Variants in ABCA2 observed in about 807,000 individuals in gnomAD.
ABCA2 encodes ATP binding cassette subfamily A member 2.
In ABCA2, 84 loss-of-function variants were observed where a neutral mutation model predicts 262.8. The ratio of observed to expected loss-of-function variants is 0.32; its 90% CI spans 0.27 to 0.38. The LOEUF is 0.38. Among genes scored for constraint, ABCA2 ranks in the 10% least tolerant of loss-of-function variants. The pLI, the probability that ABCA2 is intolerant of heterozygous loss-of-function variation, is 1.00. For missense variants in ABCA2, 2,662 were observed against 3,405.9 expected (o/e 0.78, Z 5.44); for synonymous variants, 1,696 against 1,502.9 (o/e 1.13, Z -2.97).
At chr9:137,028,569 C>A (rs1831745705), upstream of ABCA2, 1 of 729,468 alleles carries the variant, frequency 1.4e-6, no homozygotes, top group Non-Finnish European at 1.8e-6. This position sits in a 1 kb window ranked among gnomAD's most constrained non-coding sequence, Gnocchi z 6.9. Flanking sequence ...CCGGCTGCGC[C>A]CACCGCGCTG....
intron 3 of ABCA2, chr9:137,023,470 A>G (rs943187090): frequency 1.4e-6 from 1 of 722,742 alleles, no homozygotes; most frequent in Non-Finnish European, 2.6e-6. Context: ...TGAGTGCAAG[A>G]GCCTGAAGGA....
chr9:137,021,140 G>A lies in ABCA2; in HGVS notation c.898-79C>T, dbSNP rs1831441107. 7.0e-7 allele frequency: 1 copy of A among 1,435,232 alleles called. No homozygotes were observed. Among genetic ancestry groups the A allele is most frequent in the Non-Finnish European group, 9.1e-7 (1 of 1,096,954 alleles). The allele number at this position is 1,435,232 out of a possible 1,614,324, so 88.9% of individuals were successfully genotyped here. On this transcript the variant is annotated intron_variant, in intron 8 of 48. Coordinates refer to ENST00000341511, the MANE Select transcript of ABCA2 (RefSeq NM_001606.5). The surrounding 1 kb of genome is among the most constrained non-coding windows in gnomAD (Gnocchi z 6.0). ...TGATAGGTCAGGAGTGGAGCAGGGA[G>A]ACAGCAGCAGGGAGACACAAGCTAG...
In ABCA2 at chr9:137,021,502, C is replaced by A; in HGVS notation, c.787G>T (p.Gly263Cys). Residue 263 changes from glycine to cysteine, a missense_variant, in exon 8 of 49, where the codon GGC becomes TGC. By Grantham distance (159) the Gly-to-Cys change is radical. Transcript: ENST00000341511. This position sits in a 1 kb window ranked among gnomAD's most constrained non-coding sequence, Gnocchi z 6.0. ...CCACTGCAGACAGCATCCCGGTAGC[C>A]CTGCAGGGCTCCCTTCTGACTCTCA... ...VPESQKGALQGYRDAVCSGQA... is the reference protein window; with the variant it reads ...VPESQKGALQCYRDAVCSGQA... 6.2e-7 allele frequency: 1 copy of A among 1,609,036 alleles called. No individual in the cohort carries two copies.
intron 27 of ABCA2, 37 bp downstream of exon 27, chr9:137,014,131 C>CT: frequency 6.3e-7 from 1 of 1,595,214 alleles, no homozygotes; most frequent in Non-Finnish European, 8.5e-7. Flanking sequence ...CCTGCTCCCC[C>CT]TCCCTTGCTG....
chr9:137,022,240 C>T, intron 6 of ABCA2, 111 bp downstream of exon 6: 1 of 1,421,274 alleles, frequency 7.0e-7, no homozygotes, highest in Non-Finnish European at 9.3e-7. Context: ...GGGCAAGGTT[C>T]AGACGGTCTG....
chr9:137,025,746 C>T (rs1200365850), intron 1 of ABCA2, among the ~76,000 whole-genome samples: 3 of 152,220 alleles, frequency 2.0e-5, no homozygotes, highest in Non-Finnish European at 4.4e-5. Flanking sequence ...CCACACCCGG[C>T]CTGCTATGGG....
At chr9:137,009,192 C>A in intron 45 of ABCA2, 139 bp from the exon 46 acceptor site, 3 of 1,025,780 alleles carry the variant, frequency 2.9e-6, no homozygotes, top group South Asian at 1.5e-5. Flanking sequence ...CCACAGCCCC[C>A]ACAGCCCTCC....
chr9:137,022,970 C>G lies in ABCA2; in HGVS notation c.246G>C (p.Glu82Asp), dbSNP rs748917072. ...AGTTGGCGTACTGCAGGAAGCCGAA[C>G]TCGTCTCGCTGGCCGTCCGGGCACA... ...QSLCPDGQRD[E>D]FGFLQYANST... The change falls in exon 4 of 49, where the codon GAG (glutamate) becomes GAC (aspartate). Residue 82 changes from glutamate (E) to aspartate (D), a missense_variant. By Grantham distance (45) the Glu-to-Asp change is conservative (BLOSUM62 2). Around this residue, in one of 12 missense-constraint regions of ABCA2, gnomAD observed 101 missense variants for 152.3 expected, o/e 0.66. Transcript: ENST00000341511. 1.3e-6 allele frequency: 2 copies of G among 1,588,246 alleles called. No individual in the cohort carries two copies.
chr9:137,013,299 C>CGTCGGGCGATAGCCGCA lies in ABCA2; in HGVS notation c.4553_4569dup (p.Ala1524CysfsTer13). ...GTGCTCACGAGCTGCTGGGGGCTGG[C>CGTCGGGCGATAGCCGCA]GTCGGGCGATAGCCGCAGCCTGCGG... On this transcript the variant is annotated frameshift_variant, in exon 30 of 49. Coordinates refer to ENST00000341511, the MANE Select transcript of ABCA2 (RefSeq NM_001606.5). LOFTEE classifies it high-confidence loss of function. 6.4e-7 allele frequency: 1 copy of CGTCGGGCGATAGCCGCA among 1,562,084 alleles called. No homozygotes were observed. The highest frequency in any genetic ancestry group is 8.6e-7 in the Non-Finnish European group (1 of 1,160,328).
chr9:137,020,267 G>A (rs770997876), intron 10 of ABCA2, 69 bp downstream of exon 10: 19 of 1,596,346 alleles, frequency 1.2e-5, no homozygotes, highest in Non-Finnish European at 1.4e-5. Context: ...CTCTGCCCAG[G>A]GGTCCCAGGC....
rs139880478 is a variant in ABCA2 at position 137,022,623 on chromosome 9, A to G, written c.439+79T>C. ...ACTCAGTGCAGGTGGAGGGGCCCAG[A>G]GTGGATGTGGGCTTCAGCCCAGTGA... On this transcript the variant is annotated intron_variant, in intron 5 of 48. Transcript: ENST00000341511. The G allele has an allele frequency of 5.2e-5, 82 of 1,564,732 alleles. 1 individual carries two copies. The African/African-American group carries it at 1.1e-3, about 21-fold the overall frequency.
At chr9:137,028,859 G>C (rs756332139), upstream of ABCA2, 50 of 1,325,860 alleles carry the variant, frequency 3.8e-5, no homozygotes, top group Non-Finnish European at 3.8e-5. This position sits in a 1 kb window ranked among gnomAD's most constrained non-coding sequence, Gnocchi z 6.9. Flanking sequence ...CACGCGGCTC[G>C]TTTTTCTCCC....
chr9:137,022,539 G>A (rs1831508272), intron 5 of ABCA2, 61 bp from the exon 6 acceptor site: 1 of 1,586,072 alleles, frequency 6.3e-7, no homozygotes, highest in Non-Finnish European at 8.6e-7. Flanking sequence ...GCCCCCACAT[G>A]CGCTCGGAGC....
chr9:137,017,764 A>G (rs1831313392), intron 16 of ABCA2, 23 bp downstream of exon 16: 2 of 1,611,346 alleles, frequency 1.2e-6, no homozygotes, highest in African/African-American at 2.7e-5. Flanking sequence ...CCGCGCCTCC[A>G]GGGAGAGTCC....
intron 46 of ABCA2, 32 bp from the exon 47 acceptor site, chr9:137,008,900 G>GCCCCCCCCCCCCCCGTGCGC: frequency 1.3e-6 from 2 of 1,555,260 alleles, no homozygotes; most frequent in Non-Finnish European, 1.7e-6. Context: ...GCCTGGCAGC[G>GCCCCCCCCCCCCCCGTGCGC]CCCCCCCACC....
chr9:137,009,784 T>G lies in ABCA2; in HGVS notation c.6615A>C (p.Pro2205=), dbSNP rs755740082. The G allele has an allele frequency of 5.0e-5, 81 of 1,611,412 alleles. 1 individual carries two copies. The South Asian group carries it at 5.6e-4, about 11-fold the overall frequency. ...LSTAIALIGY[P]AFIFLDEPTT... is the part of the protein sequence containing the mutation. ...CAGGACTTACCAGGAAGATGAAGGC[T>G]GGGTACCCAATGAGGGCGATGGCCG... is the stretch of plus-strand genomic sequence containing the variant. Residue 2205 remains proline (P), a synonymous_variant, in exon 43 of 49, where the codon CCA becomes CCC. Coordinates refer to ENST00000341511, the MANE Select transcript of ABCA2 (RefSeq NM_001606.5).
rs537922057 is a variant in ABCA2, at chr9:137,012,275, C to T, written c.5289G>A (p.Pro1763=). The T allele has an allele frequency of 1.6e-5, 25 of 1,611,174 alleles. No individual in the cohort carries two copies. The highest frequency in any genetic ancestry group is 5.5e-5 in the South Asian group (5 of 90,956). ...CCTATGTCAGCTCACCGTAAGCCGC[C>T]GGGTTGCCCTTGCTCTTGGGCAGGT... is the stretch of plus-strand genomic sequence containing the variant. The part of the protein sequence containing the change: ...RANLPKSKGN[P]AAYGITVTNH... Residue 1763 remains proline, a synonymous_variant, in exon 33 of 49, where the codon CCG becomes CCA. Coordinates refer to ENST00000341511, the MANE Select transcript of ABCA2 (RefSeq NM_001606.5).
In ABCA2 at chr9:137,017,606, T is replaced by A. The variant is rs979460863; in HGVS notation, c.2298A>T (p.Thr766=). Residue 766 remains threonine, a synonymous_variant, in exon 17 of 49, where the codon ACA becomes ACT. Transcript: ENST00000341511. ...TGFVQLSISV[T]ALTAILKYGQ... ...CGTACTTCAGGATGGCGGTGAGTGC[T>A]GTCACGGAGATGGACAGCTGCACAA... The A allele has an allele frequency of 6.2e-7, 1 of 1,612,638 alleles. No homozygotes were observed. Among genetic ancestry groups the A allele is most frequent in the African/African-American group, 1.3e-5 (1 of 74,928 alleles).
Position 137,009,653 on chromosome 9 carries a change from G to A in ABCA2, c.6631-9C>T, listed in dbSNP as rs752960116. On this transcript the variant is annotated splice_polypyrimidine_tract_variant and intron_variant, in intron 43 of 48. Transcript: ENST00000341511. The stretch of plus-strand genomic sequence containing the variant: ...CCTGTGGTGGGCTCGTCCTGGGGAT[G>A]GGTGGCAGGCTCAGCTGCTGCCAGG... 6.2e-7 allele frequency: 1 copy of A among 1,612,658 alleles called. No homozygotes were observed. The highest frequency in any genetic ancestry group is 8.5e-7 in the Non-Finnish European group (1 of 1,179,882).
Sources: allele counts gnomAD v4.1 joint callset (sites outside exome capture counted in the v4.1 genomes callset), GRCh38; gene constraint gnomAD v4.1.1; regional missense constraint gnomAD v4.1.1; non-coding constraint Gnocchi (gnomAD v3.1); transcripts MANE v1.5; gene names NCBI Gene and HGNC (gene_info 2026-07-23, HGNC 2026-07-21).